The following NRG1 variants were observed in gnomAD, a reference collection of about 807,000 sequenced individuals.
NRG1 encodes neuregulin 1, also known as pro-neuregulin-1, membrane-bound isoform.
In NRG1, 18 loss-of-function variants were observed where a neutral mutation model predicts 63.8. The ratio of observed to expected loss-of-function variants is 0.28; its 90% CI spans 0.19 to 0.42. The LOEUF is 0.42. NRG1 is among the 10% of genes least tolerant of loss of function. The pLI, the probability that NRG1 is intolerant of heterozygous loss-of-function variation, is 1.00. For missense variants in NRG1, 762 were observed against 814.7 expected (o/e 0.94, Z 0.79); for synonymous variants, 302 against 301.3 (o/e 1.00, Z -0.02).
At chr8:32,219,339 AAAAG>A (rs1845572304) in intron 1 of NRG1, among the ~76,000 whole-genome samples, 1 of 152,202 alleles carries the variant, frequency 6.6e-6, no homozygotes, top group South Asian at 2.1e-4. Flanking sequence ...TGCAGGAAAG[AAAAG>A]AAAGAAATCT....
intron 1 of NRG1, among the ~76,000 whole-genome samples, chr8:32,588,215 G>T (rs980427459): frequency 2.6e-5 from 4 of 152,030 alleles, no homozygotes; most frequent in African/African-American, 9.7e-5. Flanking sequence ...AGCCACCAGC[G>T]CCCAGCCCTC....
intron 1 of NRG1, among the ~76,000 whole-genome samples, chr8:31,681,316 T>G (rs1808318636): frequency 6.6e-6 from 1 of 152,158 alleles, no homozygotes; most frequent in Admixed American, 6.6e-5. Flanking sequence ...ACTACCCTAT[T>G]TATCCTTGTT....
intron 1 of NRG1, among the ~76,000 whole-genome samples, chr8:31,800,320 A>G (rs1474678031): frequency 1.3e-5 from 2 of 152,180 alleles, no homozygotes; most frequent in Non-Finnish European, 2.9e-5. Flanking sequence ...GAAGAAGCAA[A>G]CAGTTGTTAT....
intron 1 of NRG1, among the ~76,000 whole-genome samples, chr8:31,904,703 A>T (rs917085422): frequency 6.6e-6 from 1 of 152,230 alleles, no homozygotes; most frequent in African/African-American, 2.4e-5. Context: ...GTCATTAAAA[A>T]GAACAAGATC....
chr8:32,088,385 A>G (rs1229563112), intron 1 of NRG1, among the ~76,000 whole-genome samples: 1 of 152,240 alleles, frequency 6.6e-6, no homozygotes, highest in East Asian at 1.9e-4. Context: ...CATTGTGGAA[A>G]GTAAGCTTTT....
At chr8:32,474,404 G>A (rs922665384) in intron 1 of NRG1, among the ~76,000 whole-genome samples, 1 of 151,940 alleles carries the variant, frequency 6.6e-6, no homozygotes, top group Non-Finnish European at 1.5e-5. Flanking sequence ...TATTCTACAG[G>A]CATGCAGATA....
chr8:32,619,376 A>G (rs1847932389), intron 5 of NRG1, among the ~76,000 whole-genome samples: 1 of 152,146 alleles, frequency 6.6e-6, no homozygotes, highest in Non-Finnish European at 1.5e-5. Flanking sequence ...AAAGGGATGA[A>G]ATATAGAAGA....
intron 1 of NRG1, among the ~76,000 whole-genome samples, chr8:32,079,403 T>C (rs1228084042): frequency 1.3e-5 from 2 of 152,168 alleles, no homozygotes; most frequent in Admixed American, 1.3e-4. Flanking sequence ...ATTACTCCTA[T>C]TCATTTTCAC....
chr8:32,473,147 A>G (rs1185682193), intron 1 of NRG1, among the ~76,000 whole-genome samples: 1 of 152,258 alleles, frequency 6.6e-6, no homozygotes, highest in Non-Finnish European at 1.5e-5. Context: ...GAGGTAACAT[A>G]TCTACATATG....
chr8:32,038,361 A>G (rs1277116733), intron 1 of NRG1, among the ~76,000 whole-genome samples: 1 of 151,590 alleles, frequency 6.6e-6, no homozygotes, highest in Non-Finnish European at 1.5e-5. Flanking sequence ...TTGAAGATGC[A>G]GAATTTACTT....
chr8:31,659,526 C>A (rs1322425768), intron 1 of NRG1, among the ~76,000 whole-genome samples: 1 of 152,042 alleles, frequency 6.6e-6, no homozygotes, highest in Non-Finnish European at 1.5e-5. Context: ...ATGCTGAACC[C>A]GACCCTCAGG....
rs1010448423 is a variant in NRG1, at chr8:32,693,319, C to G, written c.503-34630C>G. Among the ~76,000 whole-genome samples, 4 of 151,332 alleles carry G rather than the reference C, an allele frequency of 2.6e-5. No homozygotes were observed. The East Asian group carries it at 7.8e-4, about 30-fold the overall frequency. On this transcript the variant is annotated intron_variant, in intron 5 of 11. Transcript: ENST00000356819. ...CTGCAACCTCCGCCTTCTGGGTTCA[C>G]GCCATTCTCCTGCGTCAGCCTCCCA...
At chr8:31,975,370 A>T (rs924599102) in intron 1 of NRG1, among the ~76,000 whole-genome samples, 1 of 152,136 alleles carries the variant, frequency 6.6e-6, no homozygotes, top group African/African-American at 2.4e-5. Flanking sequence ...GGAGGTGAGG[A>T]TGGGAACTGG....
intron 1 of NRG1, among the ~76,000 whole-genome samples, chr8:32,075,313 A>G (rs1388021924): frequency 6.6e-6 from 1 of 152,258 alleles, no homozygotes; most frequent in African/African-American, 2.4e-5. Context: ...GAGTACAGGA[A>G]TAAATCATGC....
intron 1 of NRG1, among the ~76,000 whole-genome samples, chr8:31,866,846 T>A (rs1307156190): frequency 6.6e-6 from 1 of 152,162 alleles, no homozygotes; most frequent in Non-Finnish European, 1.5e-5. Flanking sequence ...AAGTGCAGGA[T>A]AAGTGAATTT....
chr8:31,722,611 C>T (rs900504466), intron 1 of NRG1, among the ~76,000 whole-genome samples: 1 of 152,114 alleles, frequency 6.6e-6, no homozygotes. Flanking sequence ...TCTAAATGTT[C>T]ATGATAGCAT....
At chr8:31,704,830 TAAAA>T (rs373101607) in intron 1 of NRG1, among the ~76,000 whole-genome samples, 5 of 118,838 alleles carry the variant, frequency 4.2e-5, no homozygotes, top group Admixed American at 8.6e-5. Flanking sequence ...AGACTCCGTC[TAAAA>T]AAAAAAAAAA....
intron 1 of NRG1, among the ~76,000 whole-genome samples, chr8:32,168,325 A>G (rs1201070716): frequency 6.6e-6 from 1 of 152,188 alleles, no homozygotes; most frequent in Non-Finnish European, 1.5e-5. Flanking sequence ...AGGCATGGGG[A>G]TATATTACTG....
intron 1 of NRG1, among the ~76,000 whole-genome samples, chr8:32,492,244 A>C (rs1304054264): frequency 1.3e-5 from 2 of 152,090 alleles, no homozygotes; most frequent in Non-Finnish European, 2.9e-5. Flanking sequence ...TGTGGAATTG[A>C]GTTATATGGG....
Sources: gnomAD v4.1 joint callset for allele counts (sites outside exome capture counted in the v4.1 genomes callset) on GRCh38, gnomAD v4.1.1 for gene constraint, MANE v1.5 for transcripts, NCBI Gene and HGNC (gene_info 2026-07-23, HGNC 2026-07-21) for gene names.